The following ANGPT1 variants were observed in gnomAD, a reference collection of about 807,000 sequenced individuals.
The protein encoded by ANGPT1 is angiopoietin-1.
ANGPT1 carries 17 observed loss-of-function variants against 62.2 expected under a neutral mutation model. That is an observed-to-expected ratio of 0.27 (90% CI 0.19 to 0.41). The LOEUF (loss-of-function observed/expected upper bound fraction) is 0.41, where lower values mean the gene tolerates loss of function less well. ANGPT1 is among the 10% of genes least tolerant of loss of function. ANGPT1 has a pLI of 1.00. For missense variants in ANGPT1, 478 were observed against 594.9 expected, an observed-to-expected ratio of 0.80 and a Z score of 2.04; for synonymous variants, 199 against 198.9, an observed-to-expected ratio of 1.00 and a Z score of 0.00.
At chr8:107,299,391 GTA>G (rs59247214) in intron 5 of ANGPT1, among the ~76,000 whole-genome samples, 8,497 of 112,346 alleles carry the variant, frequency 0.076, 331 homozygotes, top group African/African-American at 0.096. Flanking sequence ...ATGAAGGAGT[GTA>G]TATATATATA....
rs117007041 is a variant in ANGPT1 at position 107,456,568 on chromosome 8, C to T, written c.297+40694G>A. ...TCCTCTAAAATGTTTTAAGTTTCCA[C>T]AAACAAGATAAATCCTTATACATAA... is the stretch of plus-strand genomic sequence containing the variant. On this transcript the variant is annotated intron_variant, in intron 1 of 8. Coordinates refer to ENST00000517746, the MANE Select transcript of ANGPT1 (RefSeq NM_001146.5). Among the ~76,000 whole-genome samples the T allele has an allele frequency of 6.0e-3, 907 of 152,090 alleles. 2 individuals are homozygous for T. The highest frequency in any genetic ancestry group is 9.8e-3 in the Non-Finnish European group (668 of 67,942).
intron 7 of ANGPT1, among the ~76,000 whole-genome samples, chr8:107,268,406 T>TTTTG (rs1554577249): frequency 6.9e-6 from 1 of 144,558 alleles, no homozygotes; most frequent in African/African-American, 2.5e-5. Flanking sequence ...ACATGTAGGG[T>TTTTG]TGTGTGTGTG....
intron 3 of ANGPT1, among the ~76,000 whole-genome samples, chr8:107,335,383 T>C (rs977044389): frequency 1.6e-4 from 24 of 152,218 alleles, no homozygotes; most frequent in Admixed American, 1.3e-3. Flanking sequence ...GTTATCTAGA[T>C]ACCCCGAAGA....
intron 4 of ANGPT1, among the ~76,000 whole-genome samples, chr8:107,314,941 A>G (rs536236911): frequency 7.9e-5 from 12 of 152,184 alleles, no homozygotes; most frequent in Non-Finnish European, 1.8e-4. Context: ...AAACTATCTC[A>G]TCCCTTACAG....
At chr8:107,386,178 A>G (rs2916083) in intron 1 of ANGPT1, among the ~76,000 whole-genome samples, 119,045 of 151,928 alleles carry the variant, frequency 0.78, 46,812 homozygotes, top group East Asian at 0.92. Context: ...TTACTGTTAA[A>G]TGGGCTAAAC....
intron 7 of ANGPT1, among the ~76,000 whole-genome samples, chr8:107,274,336 A>G (rs1383988870): frequency 6.6e-6 from 1 of 152,172 alleles, no homozygotes; most frequent in African/African-American, 2.4e-5. Flanking sequence ...AAAGCAATGA[A>G]GGCAGACTCT....
At chr8:107,391,270 AT>A (rs1279895954) in intron 1 of ANGPT1, among the ~76,000 whole-genome samples, 1 of 152,044 alleles carries the variant, frequency 6.6e-6, no homozygotes, top group Admixed American at 6.6e-5. Context: ...TGTGACAGTC[AT>A]TTTTTTGTCT....
At chr8:107,349,512 C>G (rs935438702) in intron 1 of ANGPT1, among the ~76,000 whole-genome samples, 2 of 152,112 alleles carry the variant, frequency 1.3e-5, no homozygotes, top group South Asian at 4.1e-4. Flanking sequence ...ACAGATAAGT[C>G]TCCATTATAA....
intron 8 of ANGPT1, among the ~76,000 whole-genome samples, chr8:107,257,876 G>GTTTTTTTTTT (rs1371396961): frequency 5.7e-4 from 49 of 85,234 alleles, no homozygotes; most frequent in Non-Finnish European, 8.1e-4. Context: ...ACTTGTTTTT[G>GTTTTTTTTTT]TTTCTTTTTT....
chr8:107,347,017 G>C lies in ANGPT1; in HGVS notation c.378C>G (p.Thr126=). The C allele has an allele frequency of 6.2e-7, 1 of 1,613,928 alleles. No individual in the cohort carries two copies. Among genetic ancestry groups the C allele is most frequent in the Non-Finnish European group, 8.5e-7 (1 of 1,179,894 alleles). Residue 126 remains threonine, a synonymous_variant, in exon 2 of 9, where the codon ACC becomes ACG. Transcript: ENST00000517746. ...QQNAVQNHTA[T]MLEIGTSLLS... ...GGAGGCTGGTTCCTATCTCCAGCAT[G>C]GTAGCCGTGTGGTTCTGAACTGCAT...
At chr8:107,369,765 C>T (rs1256183123) in intron 1 of ANGPT1, among the ~76,000 whole-genome samples, 2 of 147,384 alleles carry the variant, frequency 1.4e-5, no homozygotes, top group African/African-American at 2.5e-5. Context: ...TCAGAACACA[C>T]ATACCACTTA....
chr8:107,366,778 A>T (rs1398558376), intron 1 of ANGPT1, among the ~76,000 whole-genome samples: 2 of 152,156 alleles, frequency 1.3e-5, no homozygotes, highest in African/African-American at 2.4e-5. Context: ...ATCAGAGTTG[A>T]TCTGTGTGAT....
At chr8:107,340,264 G>C (rs149953522) in intron 2 of ANGPT1, among the ~76,000 whole-genome samples, 94 of 152,246 alleles carry the variant, frequency 6.2e-4, no homozygotes, top group Middle Eastern at 3.4e-3. Context: ...GGAGTAAAGC[G>C]TATGTGAAAC....
At chr8:107,478,297 C>T (rs758105880) in intron 1 of ANGPT1, among the ~76,000 whole-genome samples, 30 of 151,136 alleles carry the variant, frequency 2.0e-4, no homozygotes, top group Non-Finnish European at 3.8e-4. Flanking sequence ...GCCTGTAATC[C>T]CAGCACTTTG....
In ANGPT1 at chr8:107,362,188, A is replaced by G. The variant is rs190673327; in HGVS notation, c.298-15091T>C. ...TGAGCATTTACTCAGTAAGTTTTAT[A>G]TGTGTCCTATGCTAACAGGCAACGT... On this transcript the variant is annotated intron_variant, in intron 1 of 8. Transcript: ENST00000517746. Among the ~76,000 whole-genome samples the G allele has an allele frequency of 2.4e-3, 373 of 152,342 alleles. 5 individuals carry two copies. Among genetic ancestry groups the G allele is most frequent in the South Asian group, 0.011 (55 of 4,832 alleles).
intron 1 of ANGPT1, among the ~76,000 whole-genome samples, chr8:107,435,393 T>C (rs1811308211): frequency 2.0e-5 from 3 of 152,226 alleles, no homozygotes; most frequent in Admixed American, 2.0e-4. Context: ...GGACAGGTGT[T>C]TTCTAGACAA....
At chr8:107,422,174 C>T (rs1195874984) in intron 1 of ANGPT1, among the ~76,000 whole-genome samples, 1 of 152,060 alleles carries the variant, frequency 6.6e-6, no homozygotes, top group Non-Finnish European at 1.5e-5. Context: ...TATTCAGTTC[C>T]AAATTCTCAG....
chr8:107,287,556 T>C (rs1814172539), intron 6 of ANGPT1, among the ~76,000 whole-genome samples: 2 of 152,158 alleles, frequency 1.3e-5, no homozygotes, highest in African/African-American at 2.4e-5. Context: ...AACCTTCTAA[T>C]AGCCAAGTGC....
In ANGPT1 at chr8:107,316,657, G is replaced by A. The variant is rs527837705; in HGVS notation, c.808+5239C>T. Among the ~76,000 whole-genome samples the A allele has an allele frequency of 1.8e-3, 267 of 152,124 alleles. 1 individual carries two copies. Among genetic ancestry groups the A allele is most frequent in the Non-Finnish European group, 2.8e-3 (192 of 67,982 alleles). On this transcript the variant is annotated intron_variant, in intron 4 of 8. Transcript: ENST00000517746. ...ACCATTATCATCATATATTGACAATGACTGCTCATTGATTTTATAGAAAAA... is the reference window on the plus strand; with the variant it reads ...ACCATTATCATCATATATTGACAATAACTGCTCATTGATTTTATAGAAAAA...
Sources: gnomAD v4.1 joint callset for allele counts (sites outside exome capture counted in the v4.1 genomes callset) on GRCh38, gnomAD v4.1.1 for gene constraint, MANE v1.5 for transcripts, NCBI Gene and HGNC (gene_info 2026-07-23, HGNC 2026-07-21) for gene names.